Variants in SLC12A1 observed in about 807,000 individuals in gnomAD.
SLC12A1 encodes solute carrier family 12 member 1, also known as Na-K-2Cl cotransporter.
SLC12A1 carries 89 observed loss-of-function variants against 130.4 expected under a neutral mutation model. The ratio of observed to expected loss-of-function variants is 0.68; its 90% CI spans 0.58 to 0.81. SLC12A1 has a LOEUF of 0.81. SLC12A1 is among the 40% of genes least tolerant of loss of function. The probability of loss-of-function intolerance (pLI) is 0.00; values close to 1 mark genes in which losing one functional copy is unlikely to be tolerated. For missense variants in SLC12A1, 1,310 were observed against 1,336.4 expected (o/e 0.98, Z 0.31); for synonymous variants, 499 against 460.0 (o/e 1.08, Z -1.09).
In SLC12A1 at chr15:48,275,291, A is replaced by G. The variant is rs1597447459; in HGVS notation, c.2485+638A>G. Among the ~76,000 whole-genome samples, 3 of 152,186 alleles carry G rather than the reference A, an allele frequency of 2.0e-5. No homozygotes were observed. In the East Asian group the frequency reaches 5.8e-4, roughly 29 times the overall value. ...TGATTTCCCTCTTCCGCTGAGCTTC[A>G]CGACAGAGTCCACTTACAACACAAC... On this transcript the variant is annotated intron_variant, in intron 20 of 26. Coordinates refer to ENST00000380993, the MANE Select transcript of SLC12A1 (RefSeq NM_000338.3).
At chr15:48,270,946 A>G (rs1481652565) in intron 19 of SLC12A1, among the ~76,000 whole-genome samples, 2 of 150,702 alleles carry the variant, frequency 1.3e-5, no homozygotes, top group African/African-American at 2.4e-5. Context: ...CCTTTCAACC[A>G]GGCATGGTGG....
At chr15:48,252,583 G>T (rs1399992902) in intron 15 of SLC12A1, among the ~76,000 whole-genome samples, 1 of 152,164 alleles carries the variant, frequency 6.6e-6, no homozygotes, top group Non-Finnish European at 1.5e-5. Flanking sequence ...GGGAGGGAAG[G>T]ATTAACTTTG....
chr15:48,212,820 C>CA (rs556559277), intron 2 of SLC12A1, among the ~76,000 whole-genome samples: 207 of 150,284 alleles, frequency 1.4e-3, no homozygotes, highest in African/African-American at 3.5e-3. Context: ...GAAACTAATC[C>CA]AAAAAAAAAT....
At chr15:48,302,577 G>A (rs576818680) in intron 26 of SLC12A1, among the ~76,000 whole-genome samples, 173 bp from the exon 27 acceptor site, 2 of 116,886 alleles carry the variant, frequency 1.7e-5, no homozygotes, top group Non-Finnish European at 3.3e-5. Flanking sequence ...CCGAGATTGT[G>A]CCACTGCAGT....
chr15:48,271,219 AAAAAG>A (rs1170919875), intron 19 of SLC12A1, among the ~76,000 whole-genome samples: 2 of 152,232 alleles, frequency 1.3e-5, no homozygotes, highest in Admixed American at 1.3e-4. Context: ...CCTCAAGAAA[AAAAAG>A]AAAAGAAAGT....
chr15:48,241,624 G>A (rs1389675992), intron 10 of SLC12A1, 25 bp downstream of exon 10: 2 of 1,517,494 alleles, frequency 1.3e-6, no homozygotes, highest in Non-Finnish European at 9.2e-7. Context: ...TCCAGTGTCA[G>A]AATGTCAGAA....
intron 9 of SLC12A1, among the ~76,000 whole-genome samples, chr15:48,239,705 C>T (rs960009662): frequency 4.6e-5 from 7 of 151,796 alleles, no homozygotes; most frequent in African/African-American, 1.7e-4. Flanking sequence ...GGCTGGAGTG[C>T]GGTGGCACAA....
intron 9 of SLC12A1, 66 bp from the exon 10 acceptor site, chr15:48,241,449 A>G: frequency 1.6e-6 from 2 of 1,271,598 alleles, no homozygotes; most frequent in South Asian, 2.4e-5. Context: ...TATGAAAATA[A>G]CTCCAAGTGA....
chr15:48,215,246 T>G (rs1597396839), intron 2 of SLC12A1, among the ~76,000 whole-genome samples: 1 of 152,190 alleles, frequency 6.6e-6, no homozygotes, highest in African/African-American at 2.4e-5. Flanking sequence ...TATCAAGAAC[T>G]CATTGCCCTT....
At chr15:48,216,800 AT>A (rs1285176325) in intron 2 of SLC12A1, among the ~76,000 whole-genome samples, 1 of 152,242 alleles carries the variant, frequency 6.6e-6, no homozygotes, top group Non-Finnish European at 1.5e-5. Flanking sequence ...TATGAAAAAA[AT>A]GAAAGTTACA....
At chr15:48,265,772 A>G (rs1042634787) in intron 17 of SLC12A1, among the ~76,000 whole-genome samples, 1 of 152,222 alleles carries the variant, frequency 6.6e-6, no homozygotes, top group East Asian at 1.9e-4. Flanking sequence ...TCCAATTTAA[A>G]TAGAATATTA....
At chr15:48,284,454 T>C (rs1422595031) in intron 20 of SLC12A1, among the ~76,000 whole-genome samples, 2 of 152,222 alleles carry the variant, frequency 1.3e-5, no homozygotes, top group Non-Finnish European at 2.9e-5. Context: ...ATCAGTGGCT[T>C]ACAGTGTGAA....
chr15:48,241,682 T>A, intron 10 of SLC12A1, 83 bp downstream of exon 10: 1 of 932,558 alleles, frequency 1.1e-6, no homozygotes, highest in Non-Finnish European at 1.7e-6. Context: ...CAATGCAGCA[T>A]AAATACAGAG....
In SLC12A1 at chr15:48,220,661, G is replaced by A. The variant is rs2041200241; in HGVS notation, c.448G>A (p.Asp150Asn). Residue 150 changes from aspartate to asparagine, a missense_variant, in exon 3 of 27, where the codon GAC becomes AAC. Physicochemically the swap from Asp to Asn is conservative, Grantham distance 23. Transcript: ENST00000380993. ...TGTGGCAGTCACCCCAAGTTCAGCT[G>A]ACAGAGTTGCTAACGGTGATGGGAT... is the stretch of plus-strand genomic sequence containing the variant. The part of the protein sequence containing the change: ...KNVAVTPSSA[D>N]RVANGDGIPG... The A allele has an allele frequency of 1.2e-6, 2 of 1,613,462 alleles. No individual in the cohort carries two copies. Among genetic ancestry groups the A allele is most frequent in the Non-Finnish European group, 1.7e-6 (2 of 1,179,686 alleles).
chr15:48,266,165 A>G (rs900434654), intron 17 of SLC12A1, among the ~76,000 whole-genome samples: 2 of 152,208 alleles, frequency 1.3e-5, no homozygotes, highest in Admixed American at 1.3e-4. Context: ...ACATACCTCA[A>G]GAGAGGACAA....
At chr15:48,263,035 C>T (rs1364708280) in intron 17 of SLC12A1, among the ~76,000 whole-genome samples, 1 of 152,118 alleles carries the variant, frequency 6.6e-6, no homozygotes, top group Admixed American at 6.6e-5. Flanking sequence ...AATTTATGTA[C>T]CTGTAATTCT....
At position 48,234,925 on chromosome 15, in the gene SLC12A1, G is replaced by C. The variant is rs1408929961; in HGVS notation, c.1136G>C (p.Gly379Ala). The C allele has an allele frequency of 1.2e-6, 2 of 1,613,588 alleles. No individual in the cohort carries two copies. Among genetic ancestry groups the C allele is most frequent in the Non-Finnish European group, 1.7e-6 (2 of 1,179,558 alleles). The change falls in exon 9 of 27, where the codon GGC becomes GCC. Residue 379 changes from glycine (G) to alanine (A), a missense_variant. Physicochemically the swap from Gly to Ala is moderately conservative, Grantham distance 60. Coordinates refer to ENST00000380993, the MANE Select transcript of SLC12A1 (RefSeq NM_000338.3). ...GGGCCACGCTTCACAAAGGGTGAAG[G>C]CTTCTTCTCTGTCTTTGCCATTTTT... ...NFGPRFTKGEGFFSVFAIFFP... is the reference protein window; with the variant it reads ...NFGPRFTKGEAFFSVFAIFFP...
rs118014736 is a variant in SLC12A1 at position 48,238,816 on chromosome 15, T to C, written c.1216-2699T>C. On this transcript the variant is annotated intron_variant, in intron 9 of 26. Coordinates refer to ENST00000380993, the MANE Select transcript of SLC12A1 (RefSeq NM_000338.3). ...GGAAGCTCACAGACACAAAGGCATG[T>C]TACAAAGTTCCCATCCAGAACCTTA... Among the ~76,000 whole-genome samples the C allele has an allele frequency of 6.3e-3, 958 of 152,284 alleles. 27 individuals are homozygous for C. Among genetic ancestry groups the C allele is most frequent in the East Asian group, 0.041 (214 of 5,180 alleles).
intron 16 of SLC12A1, among the ~76,000 whole-genome samples, chr15:48,258,946 C>T (rs1375187047): frequency 6.6e-6 from 1 of 152,162 alleles, no homozygotes; most frequent in Non-Finnish European, 1.5e-5. Context: ...GGTGGGAACA[C>T]AGCCAAACCA....
Sources: gnomAD v4.1 joint callset for allele counts (sites outside exome capture counted in the v4.1 genomes callset) on GRCh38, gnomAD v4.1.1 for gene constraint, MANE v1.5 for transcripts, NCBI Gene and HGNC (gene_info 2026-07-23, HGNC 2026-07-21) for gene names.